The following TDRD9 variants were observed in gnomAD, a reference collection of about 807,000 sequenced individuals.
The protein encoded by TDRD9 is tudor domain containing 9.
Under a neutral mutation model 172.6 loss-of-function variants are expected in TDRD9, and 124 were observed. The ratio of observed to expected loss-of-function variants is 0.72; its 90% CI spans 0.62 to 0.83. The LOEUF (loss-of-function observed/expected upper bound fraction) is 0.83. TDRD9 is among the 40% of genes least tolerant of loss of function. The pLI is 0.00. For missense variants in TDRD9, 1,479 were observed against 1,714.1 expected, an observed-to-expected ratio of 0.86 and a Z score of 2.42; for synonymous variants, 619 against 617.1, an observed-to-expected ratio of 1.00 and a Z score of -0.05.
intron 8 of TDRD9, among the ~76,000 whole-genome samples, chr14:103,987,832 G>A (rs978135024): frequency 4.6e-5 from 7 of 151,980 alleles, no homozygotes; most frequent in Non-Finnish European, 4.4e-5. Context: ...ATATATTATC[G>A]AAAATGAGAT....
rs1256982757 is a variant in TDRD9 at position 104,022,192 on chromosome 14, G to A, written c.2468G>A (p.Arg823Lys). The A allele has an allele frequency of 6.4e-7, 1 of 1,568,498 alleles. No homozygotes were observed. Among genetic ancestry groups the A allele is most frequent in the Non-Finnish European group, 8.6e-7 (1 of 1,156,440 alleles). ...GAATTCTCACGAAATCCAACAGAGA[G>A]ATTTAAAACCCTTCCTGCAGTATAT... ...FVEFSRNPTE[R>K]FKTLPAVYMA... The change falls in exon 24 of 36, where the codon AGA (arginine) becomes AAA (lysine). Residue 823 changes from arginine (R) to lysine (K), a missense_variant. By Grantham distance (26) the Arg-to-Lys change is conservative. Coordinates refer to ENST00000409874, the MANE Select transcript of TDRD9 (RefSeq NM_153046.3).
chr14:103,992,956 C>G (rs2033925892), intron 9 of TDRD9, among the ~76,000 whole-genome samples: 1 of 142,308 alleles, frequency 7.0e-6, no homozygotes, highest in African/African-American at 2.6e-5. Flanking sequence ...GAATACCTAA[C>G]ATGAGATAAA....
intron 2 of TDRD9, among the ~76,000 whole-genome samples, chr14:103,960,245 A>G (rs1951583): frequency 0.94 from 143,772 of 152,282 alleles, 68,422 homozygotes; most frequent in East Asian, 1. Flanking sequence ...CACCATGTGA[A>G]CTGACATACT....
In TDRD9 at chr14:104,022,296, C is replaced by G. The variant is rs79863141; in HGVS notation, c.2572C>G (p.Gln858Glu). ...TGCAGAGGAAATTGAAGGGAAGGTGCAAGGCATGAACGTCTCAAAGCTCAG... is the reference window on the plus strand; with the variant it reads ...TGCAGAGGAAATTGAAGGGAAGGTGGAAGGCATGAACGTCTCAAAGCTCAG... ...HSAEEIEGKV[Q>E]GMNVSKLRNT... Residue 858 changes from glutamine (Q) to glutamate (E), a missense_variant, in exon 24 of 36, where the codon CAA becomes GAA. Gln to Glu is a conservative substitution (Grantham distance 29). Transcript: ENST00000409874. 0.014 allele frequency: 22,245 copies of G among 1,613,716 alleles called. 378 individuals are homozygous for G. Among genetic ancestry groups the G allele is most frequent in the African/African-American group, 0.078 (5,851 of 75,030 alleles).
intron 15 of TDRD9, 108 bp from the exon 16 acceptor site, chr14:104,006,281 T>C: frequency 2.3e-6 from 2 of 860,718 alleles, no homozygotes; most frequent in Non-Finnish European, 3.6e-6. Context: ...CTTAGAATGT[T>C]ATTCACCAAA....
At chr14:104,027,174 T>A (rs2035149855) in intron 28 of TDRD9, among the ~76,000 whole-genome samples, 1 of 152,168 alleles carries the variant, frequency 6.6e-6, no homozygotes. Flanking sequence ...TATTTGTTTG[T>A]CTCCTATTTA....
rs552453804 is a variant in TDRD9 at position 103,986,412 on chromosome 14, G to T, written c.1115+92G>T. 11 of 929,210 alleles carry T rather than the reference G, an allele frequency of 1.2e-5. No homozygotes were observed. In the South Asian group the frequency reaches 1.9e-4, roughly 16 times the overall value. 57.6% of individuals were successfully genotyped at this position (929,210 alleles called of 1,614,324 possible). A position where few individuals can be genotyped will look rare whatever the true frequency, so the allele number is the denominator to read the frequency against. On this transcript the variant is annotated intron_variant, in intron 8 of 35. Coordinates refer to ENST00000409874, the MANE Select transcript of TDRD9 (RefSeq NM_153046.3). ...AACGTTTTAGTGTTTTTATAAGAAGGTATAACTATAGGTACTTTTTTAGTA... is the reference window on the plus strand; with the variant it reads ...AACGTTTTAGTGTTTTTATAAGAAGTTATAACTATAGGTACTTTTTTAGTA...
intron 34 of TDRD9, among the ~76,000 whole-genome samples, chr14:104,045,884 A>T (rs2035759346): frequency 6.6e-6 from 1 of 152,232 alleles, no homozygotes; most frequent in Non-Finnish European, 1.5e-5. Flanking sequence ...AACTGTGAGA[A>T]ATCAAGTTCT....
chr14:104,011,517 A>G (rs1488304322), intron 20 of TDRD9, among the ~76,000 whole-genome samples: 1 of 152,212 alleles, frequency 6.6e-6, no homozygotes, highest in East Asian at 1.9e-4. Flanking sequence ...CTTTGGGATT[A>G]GTGCCTTTTT....
At chr14:103,967,858 C>T (rs756267336) in intron 5 of TDRD9, among the ~76,000 whole-genome samples, 1 of 152,034 alleles carries the variant, frequency 6.6e-6, no homozygotes, top group African/African-American at 2.4e-5. Flanking sequence ...AGATAATATG[C>T]CAAAAGATGG....
At chr14:104,024,444 T>C in intron 24 of TDRD9, 125 bp from the exon 25 acceptor site, 1 of 555,060 alleles carries the variant, frequency 1.8e-6, no homozygotes, top group Non-Finnish European at 3.1e-6. Context: ...CTGGCTTAGG[T>C]ATTTTATTGA....
intron 1 of TDRD9, among the ~76,000 whole-genome samples, chr14:103,938,513 A>G (rs2152117899): frequency 7.1e-6 from 1 of 140,908 alleles, no homozygotes; most frequent in South Asian, 2.3e-4. Context: ...ATCTTGGCTC[A>G]CTGCAACCTC....
chr14:104,013,199 A>G (rs918529222), intron 20 of TDRD9, among the ~76,000 whole-genome samples: 1 of 152,058 alleles, frequency 6.6e-6, no homozygotes, highest in Non-Finnish European at 1.5e-5. Flanking sequence ...TCTTTTTGTA[A>G]TTGAGATACT....
At chr14:103,960,316 A>C (rs1019003655) in intron 2 of TDRD9, among the ~76,000 whole-genome samples, 6 of 152,158 alleles carry the variant, frequency 3.9e-5, no homozygotes, top group Non-Finnish European at 7.4e-5. Context: ...TTTTGGTTAG[A>C]TTTCATATTT....
intron 13 of TDRD9, among the ~76,000 whole-genome samples, chr14:104,002,736 T>C (rs1442645309): frequency 1.1e-5 from 1 of 91,462 alleles, no homozygotes; most frequent in Non-Finnish European, 2.9e-5. Context: ...TCTTTTCTTT[T>C]TTTTTTTTCT....
chr14:103,980,140 T>G lies in TDRD9; in HGVS notation c.1011+4587T>G, dbSNP rs1475869473. Among the ~76,000 whole-genome samples the G allele has an allele frequency of 1.3e-5, 2 of 151,898 alleles. No homozygotes were observed. Among genetic ancestry groups the G allele is most frequent in the African/African-American group, 4.8e-5 (2 of 41,320 alleles). On this transcript the variant is annotated intron_variant, in intron 7 of 35. Coordinates refer to ENST00000409874, the MANE Select transcript of TDRD9 (RefSeq NM_153046.3). The surrounding 1 kb of genome is among the most constrained non-coding windows in gnomAD (Gnocchi z 4.5). ...GGACCAGCCCCACAGGGTCGGTGGG[T>G]TTTTCTCCCCGTGTGCAGAGATGAG...
chr14:103,999,611 A>T (rs1049803617), intron 13 of TDRD9, among the ~76,000 whole-genome samples: 1 of 151,942 alleles, frequency 6.6e-6, no homozygotes, highest in East Asian at 1.9e-4. Context: ...GTGCAGACTG[A>T]GAAGTGGCTT....
At chr14:103,975,238 A>G in intron 6 of TDRD9, 151 bp from the exon 7 acceptor site, 1 of 573,824 alleles carries the variant, frequency 1.7e-6, no homozygotes, top group Non-Finnish European at 2.9e-6. Flanking sequence ...AACTACAATA[A>G]TTACACTAGA....
At chr14:104,010,736 G>A (rs1321461254) in intron 20 of TDRD9, among the ~76,000 whole-genome samples, 1 of 152,108 alleles carries the variant, frequency 6.6e-6, no homozygotes, top group Non-Finnish European at 1.5e-5. Flanking sequence ...TCACTGGAGG[G>A]TTGGTTTCAG....
Sources: allele counts gnomAD v4.1 joint callset (sites outside exome capture counted in the v4.1 genomes callset), GRCh38; gene constraint gnomAD v4.1.1; non-coding constraint Gnocchi (gnomAD v3.1); transcripts MANE v1.5; gene names NCBI Gene and HGNC (gene_info 2026-07-23, HGNC 2026-07-21).